The following LTBP3 variants were observed in gnomAD, a reference collection of about 807,000 sequenced individuals.
The protein encoded by LTBP3 is latent transforming growth factor beta binding protein 3, also known as latent-transforming growth factor beta-binding protein 3.
Under a neutral mutation model 159.7 loss-of-function variants are expected in LTBP3, and 97 were observed. The ratio of observed to expected loss-of-function variants is 0.61; its 90% CI spans 0.52 to 0.72. LTBP3 has a LOEUF of 0.72. LTBP3 is among the 30% of genes least tolerant of loss of function. LTBP3 has a pLI of 0.00. For synonymous variants in LTBP3, 824 were observed against 777.1 expected, an observed-to-expected ratio of 1.06 and a Z score of -1.00; for missense variants, 1,584 against 1,864.3, an observed-to-expected ratio of 0.85 and a Z score of 2.77.
At position 65,557,783 on chromosome 11, in the gene LTBP3, G is replaced by A; in HGVS notation, c.177C>T (p.Arg59=). Residue 59 remains arginine, a synonymous_variant, in exon 1 of 28, where the codon CGC becomes CGT. Coordinates refer to ENST00000301873, the MANE Select transcript of LTBP3 (RefSeq NM_001130144.3). The part of the protein sequence containing the change: ...RGAGGGGALA[R]ERFKVVFAPV... ...GCGCAAAGACCACCTTGAAGCGCTC[G>A]CGGGCCAGCGCCCCGCCCCCGCCTG... The A allele has an allele frequency of 6.3e-7, 1 of 1,589,720 alleles. No individual in the cohort carries two copies. The highest frequency in any genetic ancestry group is 1.1e-5 in the South Asian group (1 of 89,874).
At position 65,538,679 on chromosome 11, in the gene LTBP3, A is replaced by G; in HGVS notation, c.*401T>C. 3 of 1,288,046 alleles carry G rather than the reference A, an allele frequency of 2.3e-6. No homozygotes were observed. The South Asian group carries it at 4.5e-5, about 19-fold the overall frequency. The allele number at this position is 1,288,046 out of a possible 1,614,324, so 79.8% of individuals were successfully genotyped here. A position where few individuals can be genotyped will look rare whatever the true frequency, so the allele number is the denominator to read the frequency against. ...CAGGCCATCTCACGTGTACATAATCAGAGCCACAATAAATTCTATTTCACA... is the reference window on the plus strand; with the variant it reads ...CAGGCCATCTCACGTGTACATAATCGGAGCCACAATAAATTCTATTTCACA... On this transcript the variant is annotated 3_prime_UTR_variant, in exon 28 of 28. Coordinates refer to ENST00000301873, the MANE Select transcript of LTBP3 (RefSeq NM_001130144.3).
chr11:65,543,163 G>A lies in LTBP3; in HGVS notation c.2538C>T (p.Gly846=), dbSNP rs1856228460. ...CIGGDCINTN[G]SYRCLCPQGH... Reference sequence around the variant, plus strand: ...CCTGGGGGCAAAGACATCTGTAGGAGCCATTGGTATTGATGCAGTCACCCC... The same window carrying A: ...CCTGGGGGCAAAGACATCTGTAGGAACCATTGGTATTGATGCAGTCACCCC... The change falls in exon 18 of 28, where the codon GGC becomes GGT. Residue 846 remains glycine (G), a synonymous_variant. Transcript: ENST00000301873. 1 of 1,614,140 alleles carries A rather than the reference G, an allele frequency of 6.2e-7. No individual in the cohort carries two copies. Among genetic ancestry groups the A allele is most frequent in the Non-Finnish European group, 8.5e-7 (1 of 1,180,000 alleles).
Position 65,552,173 on chromosome 11 carries a change from C to T in LTBP3, c.1346-16G>A. The T allele has an allele frequency of 1.2e-6, 2 of 1,614,170 alleles. No homozygotes were observed. Among genetic ancestry groups the T allele is most frequent in the Non-Finnish European group, 1.7e-6 (2 of 1,180,020 alleles). ...TTGAACGCAGCTGCAGTCAAGACAG[C>T]AGACACAAAAGTGAGCATTTCCTGG... On this transcript the variant is annotated splice_polypyrimidine_tract_variant and intron_variant, in intron 7 of 27. Coordinates refer to ENST00000301873, the MANE Select transcript of LTBP3 (RefSeq NM_001130144.3). The surrounding 1 kb of genome is among the most constrained non-coding windows in gnomAD (Gnocchi z 6.0).
Position 65,553,206 on chromosome 11 carries a change from A to G in LTBP3, c.1021T>C (p.Cys341Arg). ...GPVRGEVGADCPQGYKRLNST... is the reference protein window; with the variant it reads ...GPVRGEVGADRPQGYKRLNST... ...TTAAGCCTCTTGTAGCCCTGGGGAC[A>G]GTCAGCGCCCACTTCCCCACGTACA... The change falls in exon 5 of 28, where the codon TGT becomes CGT. Residue 341 changes from cysteine (C) to arginine (R), a missense_variant. Physicochemically the swap from Cys to Arg is radical, Grantham distance 180. This residue lies in a region of LTBP3 where 156 missense variants were observed against 259.7 expected (regional missense o/e 0.60). Transcript: ENST00000301873. This position sits in a 1 kb window ranked among gnomAD's most constrained non-coding sequence, Gnocchi z 6.5. 1.2e-6 allele frequency: 2 copies of G among 1,614,156 alleles called. No individual in the cohort carries two copies. Among genetic ancestry groups the G allele is most frequent in the South Asian group, 2.2e-5 (2 of 91,088 alleles).
Position 65,553,722 on chromosome 11 carries a change from C to G in LTBP3, c.843G>C (p.Gln281His). Residue 281 changes from glutamine (Q) to histidine (H), a missense_variant, in exon 3 of 28, where the codon CAG (glutamine) becomes CAC (histidine). By Grantham distance (24) the Gln-to-His change is conservative (BLOSUM62 0). This residue lies in a region of LTBP3 where 194 missense variants were observed against 198.7 expected (regional missense o/e 0.98). Coordinates refer to ENST00000301873, the MANE Select transcript of LTBP3 (RefSeq NM_001130144.3). This position sits in a 1 kb window ranked among gnomAD's most constrained non-coding sequence, Gnocchi z 6.5. ...PTQKPLGRCF[Q>H]DTLPKQPCGS... Reference sequence around the variant, plus strand: ...TCACCGGCTGCTTGGGCAGAGTGTCCTGAAAGCAGCGGCCCAGGGGCTTCT... The same window carrying G: ...TCACCGGCTGCTTGGGCAGAGTGTCGTGAAAGCAGCGGCCCAGGGGCTTCT... 1 of 1,578,860 alleles carries G rather than the reference C, an allele frequency of 6.3e-7. No homozygotes were observed. Among genetic ancestry groups the G allele is most frequent in the South Asian group, 1.1e-5 (1 of 87,994 alleles).
In LTBP3 at chr11:65,539,567, C is replaced by T. The variant is rs551374139; in HGVS notation, c.3609G>A (p.Leu1203=). Reference sequence around the variant, plus strand: ...ACTCACCTCTTGGGGGCTTCCCCAACAGCAGGGGGCTTGTGTCCCAGAAGG... The same window carrying T: ...ACTCACCTCTTGGGGGCTTCCCCAATAGCAGGGGGCTTGTGTCCCAGAAGG... ...SNSFWDTSPL[L]LGKPPRDEDS... The change falls in exon 26 of 28, where the codon CTG becomes CTA. Residue 1203 remains leucine (L), a synonymous_variant. Coordinates refer to ENST00000301873, the MANE Select transcript of LTBP3 (RefSeq NM_001130144.3). The T allele has an allele frequency of 6.2e-6, 10 of 1,612,802 alleles. No individual in the cohort carries two copies. The East Asian group carries it at 8.9e-5, about 14-fold the overall frequency.
chr11:65,543,028 G>A (rs757605269), intron 18 of LTBP3, 77 bp downstream of exon 18: 51 of 1,591,148 alleles, frequency 3.2e-5, no homozygotes, highest in Non-Finnish European at 4.2e-5. Context: ...TGGATGGATG[G>A]AGAAAGGCCA....
At position 65,539,154 on chromosome 11, in the gene LTBP3, A is replaced by G; in HGVS notation, c.3838T>C (p.Phe1280Leu). Residue 1280 changes from phenylalanine (F) to leucine (L), a missense_variant, in exon 28 of 28, where the codon TTC becomes CTC. Phe to Leu is a conservative substitution (Grantham distance 22, BLOSUM62 0). This residue lies in a region of LTBP3 where 514 missense variants were observed against 530.3 expected (regional missense o/e 0.97). Coordinates refer to ENST00000301873, the MANE Select transcript of LTBP3 (RefSeq NM_001130144.3). ...SERCVNTSGS[F>L]RCVCKAGFAR... ...AAGCCGGCTTTGCAGACGCAGCGGA[A>G]GGAGCCGCTGGTGTTCACGCAGCGC... 2.0e-6 allele frequency: 3 copies of G among 1,497,222 alleles called. No individual in the cohort carries two copies. Among genetic ancestry groups the G allele is most frequent in the Non-Finnish European group, 2.7e-6 (3 of 1,118,752 alleles). 92.7% of individuals were successfully genotyped at this position (1,497,222 alleles called of 1,614,324 possible).
Position 65,552,570 on chromosome 11 carries a change from G to T in LTBP3, c.1187-164C>A, listed in dbSNP as rs1016984597. Among the ~76,000 whole-genome samples, 17 of 152,066 alleles carry T rather than the reference G, an allele frequency of 1.1e-4. No homozygotes were observed. The highest frequency in any genetic ancestry group is 3.6e-4 in the African/African-American group (15 of 41,384). On this transcript the variant is annotated intron_variant, in intron 6 of 27. Coordinates refer to ENST00000301873, the MANE Select transcript of LTBP3 (RefSeq NM_001130144.3). The surrounding 1 kb of genome is among the most constrained non-coding windows in gnomAD (Gnocchi z 6.0). ...AACTCATGTGACCCCTGAAACTTAT[G>T]TGACCACTGACCCCATTGACTCCCG...
At chr11:65,551,725 G>A (rs1356604698) in intron 8 of LTBP3, 161 bp from the exon 9 acceptor site, 4 of 977,686 alleles carry the variant, frequency 4.1e-6, no homozygotes, top group Non-Finnish European at 6.4e-6. Flanking sequence ...GGGTGTGTTT[G>A]CATAGTAGTC....
At position 65,547,639 on chromosome 11, in the gene LTBP3, TG is replaced by T; in HGVS notation, c.1978+50del. ...CAAGGGGAGGGATTACACGGCGGTC[TG>T]GAGGAGAGCCCGTCCCACCCAGGGC... On this transcript the variant is annotated intron_variant, in intron 13 of 27. Transcript: ENST00000301873. This position sits in a 1 kb window ranked among gnomAD's most constrained non-coding sequence, Gnocchi z 4.6. 1 of 1,598,852 alleles carries T rather than the reference TG, an allele frequency of 6.3e-7. No homozygotes were observed.
chr11:65,538,672 C>T lies in LTBP3; in HGVS notation c.*408G>A. 3 of 1,309,390 alleles carry T rather than the reference C, an allele frequency of 2.3e-6. No homozygotes were observed. Among genetic ancestry groups the T allele is most frequent in the Non-Finnish European group, 3.1e-6 (3 of 970,222 alleles). 81.1% of individuals were successfully genotyped at this position (1,309,390 alleles called of 1,614,324 possible). A position where few individuals can be genotyped will look rare whatever the true frequency, so the allele number is the denominator to read the frequency against. On this transcript the variant is annotated 3_prime_UTR_variant, in exon 28 of 28. Transcript: ENST00000301873. ...GCCCAGCCAGGCCATCTCACGTGTA[C>T]ATAATCAGAGCCACAATAAATTCTA...
Position 65,551,163 on chromosome 11 carries a change from G to A in LTBP3, c.1683C>T (p.Ser561=). The A allele has an allele frequency of 3.9e-6, 6 of 1,553,998 alleles. No individual in the cohort carries two copies. Among genetic ancestry groups the A allele is most frequent in the Non-Finnish European group, 4.4e-6 (5 of 1,148,992 alleles). The change falls in exon 11 of 28, where the codon TCC becomes TCT. Residue 561 remains serine (S), a synonymous_variant. Transcript: ENST00000301873. ...MRWFLPDLPP[S]RSAVEIAPTQ... is the part of the protein sequence containing the mutation. ...TGGGAGCGATCTCTACGGCGCTGCG[G>A]GAAGGAGGCAAGTCCGGCAGGAACC...
At chr11:65,543,267 C>T (rs1856234451) in intron 17 of LTBP3, 43 bp from the exon 18 acceptor site, 6 of 1,613,568 alleles carry the variant, frequency 3.7e-6, no homozygotes, top group Non-Finnish European at 4.2e-6. Context: ...GGGCTGATCA[C>T]CAACCCCAGC....
At chr11:65,539,936 C>G in intron 24 of LTBP3, 55 bp from the exon 25 acceptor site, 2 of 1,470,420 alleles carry the variant, frequency 1.4e-6, no homozygotes, top group South Asian at 2.7e-5. Context: ...CCGCCCGCCT[C>G]CGCCCCACCC....
chr11:65,541,117 G>T lies in LTBP3; in HGVS notation c.2893+9C>A. On this transcript the variant is annotated intron_variant, in intron 20 of 27. Coordinates refer to ENST00000301873, the MANE Select transcript of LTBP3 (RefSeq NM_001130144.3). The stretch of plus-strand genomic sequence containing the variant: ...GAAGATCTGGGAAGGGGCCTGCCCG[G>T]CTCCTGACCTGAGCTGTAGACTGGG... The T allele has an allele frequency of 6.2e-7, 1 of 1,611,706 alleles. No individual in the cohort carries two copies. The highest frequency in any genetic ancestry group is 8.5e-7 in the Non-Finnish European group (1 of 1,179,262).
At chr11:65,543,018 T>C in intron 18 of LTBP3, 87 bp downstream of exon 18, 1 of 1,561,782 alleles carries the variant, frequency 6.4e-7, no homozygotes, top group African/African-American at 1.4e-5. Context: ...GATGGGTGGA[T>C]GGATGGATGG....
At position 65,557,583 on chromosome 11, in the gene LTBP3, T is replaced by G. The variant is rs868527680; in HGVS notation, c.331+46A>C. 3 of 1,602,030 alleles carry G rather than the reference T, an allele frequency of 1.9e-6. No individual in the cohort carries two copies. In the Middle Eastern group the frequency reaches 5.0e-4, roughly 265 times the overall value. Reference sequence around the variant, plus strand: ...ACCCCACTAGCTCTCCCACCGGGCCTGGTGCCTGTCCTTCCCCTGCCCCCA... The same window carrying G: ...ACCCCACTAGCTCTCCCACCGGGCCGGGTGCCTGTCCTTCCCCTGCCCCCA... On this transcript the variant is annotated intron_variant, in intron 1 of 27. Transcript: ENST00000301873.
chr11:65,539,552 TG>T lies in LTBP3; in HGVS notation c.3623del (p.Pro1208GlnfsTer17). ...DTSPLLLGKP[P>X]RDEDSSEEDS... ...GCCCGACCCGGCAGCACTCACCTCT[TG>T]GGGGCTTCCCCAACAGCAGGGGGCT... On this transcript the variant is annotated frameshift_variant, in exon 26 of 28. Coordinates refer to ENST00000301873, the MANE Select transcript of LTBP3 (RefSeq NM_001130144.3). LOFTEE classifies it high-confidence loss of function. 6.2e-7 allele frequency: 1 copy of T among 1,612,306 alleles called. No individual in the cohort carries two copies. The highest frequency in any genetic ancestry group is 8.5e-7 in the Non-Finnish European group (1 of 1,179,102).
Sources: allele counts gnomAD v4.1 joint callset (sites outside exome capture counted in the v4.1 genomes callset), GRCh38; gene constraint gnomAD v4.1.1; regional missense constraint gnomAD v4.1.1; non-coding constraint Gnocchi (gnomAD v3.1); transcripts MANE v1.5; gene names NCBI Gene and HGNC (gene_info 2026-07-23, HGNC 2026-07-21).